PUM3: variants seen among roughly 807,000 people sequenced by gnomAD.
The protein encoded by PUM3 is pumilio homolog 3.
In PUM3, 91 loss-of-function variants were observed where a neutral mutation model predicts 84.0. The observed-to-expected ratio is 1.08, with a 90% confidence interval of 0.91 to 1.29. The LOEUF (loss-of-function observed/expected upper bound fraction) is 1.29. Among genes scored for constraint, PUM3 ranks in the 50% most tolerant of loss-of-function variants. The probability of loss-of-function intolerance (pLI) is 0.00; values close to 1 mark genes in which losing one functional copy is unlikely to be tolerated. For missense variants in PUM3, 1,067 were observed against 767.5 expected (o/e 1.39, Z -4.61); for synonymous variants, 321 against 266.7 (o/e 1.20, Z -1.98).
At chr9:2,812,417 T>A in intron 13 of PUM3, 55 bp from the exon 14 acceptor site, 1 of 1,207,484 alleles carries the variant, frequency 8.3e-7, no homozygotes, top group Non-Finnish European at 1.2e-6. Context: ...CAAAACAAAG[T>A]ACCACAGGAC....
intron 17 of PUM3, among the ~76,000 whole-genome samples, chr9:2,807,100 C>T (rs555826233): frequency 6.6e-6 from 1 of 152,108 alleles, no homozygotes; most frequent in Non-Finnish European, 1.5e-5. Flanking sequence ...TCCAGCTACT[C>T]AGGAGGCTGA....
rs1815897924 is a variant in PUM3, at chr9:2,828,873, T to C, written c.853-95A>G. The stretch of plus-strand genomic sequence containing the variant: ...TAATTAGTCATTTTAAAATAAGTTT[T>C]AACAAATTTAAGATTTCCCATATTT... On this transcript the variant is annotated intron_variant, in intron 8 of 17. Transcript: ENST00000397885. 1.5e-5 allele frequency: 11 copies of C among 754,104 alleles called. No homozygotes were observed. The South Asian group carries it at 1.7e-4, about 12-fold the overall frequency. The allele number at this position is 754,104 out of a possible 1,614,324, so 46.7% of individuals were successfully genotyped here. A position where few individuals can be genotyped will look rare whatever the true frequency, so the allele number is the denominator to read the frequency against.
In PUM3 at chr9:2,838,500, A is replaced by T. The variant is rs751576636; in HGVS notation, c.8T>A (p.Val3Asp). ...TCCTGTGAATTGCTTTTTCCCTTTA[A>T]CTTCCATCGTAGCAACTCTGGAAAA... ME[V>D]KGKKQFTGKS... The change falls in exon 2 of 18, where the codon GTT becomes GAT. Residue 3 changes from valine (V) to aspartate (D), a missense_variant. Transcript: ENST00000397885. The T allele has an allele frequency of 1.2e-5, 20 of 1,612,898 alleles. No homozygotes were observed. The highest frequency in any genetic ancestry group is 1.6e-5 in the Non-Finnish European group (19 of 1,179,214).
At chr9:2,842,017 G>C (rs1443718832) in intron 1 of PUM3, among the ~76,000 whole-genome samples, 1 of 152,062 alleles carries the variant, frequency 6.6e-6, no homozygotes, top group Non-Finnish European at 1.5e-5. Context: ...CCTCTTTCCT[G>C]ACTGCCAATG....
intron 13 of PUM3, among the ~76,000 whole-genome samples, chr9:2,818,812 C>G (rs1218495302): frequency 6.6e-6 from 1 of 152,178 alleles, no homozygotes. Context: ...GAAATTCACA[C>G]ACACTGGGAC....
In PUM3 at chr9:2,828,696, A is replaced by C; in HGVS notation, c.935T>G (p.Ile312Ser). The C allele has an allele frequency of 6.3e-7, 1 of 1,599,110 alleles. No individual in the cohort carries two copies. The highest frequency in any genetic ancestry group is 8.6e-7 in the Non-Finnish European group (1 of 1,166,658). The change falls in exon 9 of 18, where the codon ATT (isoleucine) becomes AGT (serine). Residue 312 changes from isoleucine to serine, a missense_variant. Ile to Ser is a moderately radical substitution (Grantham distance 142). Coordinates refer to ENST00000397885, the MANE Select transcript of PUM3 (RefSeq NM_014878.5). ...TTACTTTTGGGCCATTGGAGTTAGA[A>C]TCTGTTTCATTTCATCCATAATAAG... is the stretch of plus-strand genomic sequence containing the variant. ...LELIMDEMKQ[I>S]LTPMAQKEAV...
chr9:2,839,162 A>T (rs1327205231), intron 1 of PUM3, among the ~76,000 whole-genome samples: 2 of 152,218 alleles, frequency 1.3e-5, no homozygotes, highest in African/African-American at 4.8e-5. Context: ...TTTATAGGCT[A>T]CTGAGACACC....
At chr9:2,829,415 C>A (rs1206035162) in intron 8 of PUM3, among the ~76,000 whole-genome samples, 1 of 152,176 alleles carries the variant, frequency 6.6e-6, no homozygotes, top group Non-Finnish European at 1.5e-5. Context: ...CAACAGAGAG[C>A]CCAATACACT....
At chr9:2,816,970 A>G (rs1474295029) in intron 13 of PUM3, among the ~76,000 whole-genome samples, 2 of 152,220 alleles carry the variant, frequency 1.3e-5, no homozygotes, top group African/African-American at 4.8e-5. Flanking sequence ...CTATTTTTAA[A>G]AGCACTGCGT....
At chr9:2,831,483 A>G (rs927176688) in intron 5 of PUM3, 139 bp from the exon 6 acceptor site, 1 of 630,240 alleles carries the variant, frequency 1.6e-6, no homozygotes, top group Non-Finnish European at 2.8e-6. Context: ...ATTACTGAGA[A>G]CTACTTGTTT....
At chr9:2,811,251 T>C (rs1186935670) in intron 15 of PUM3, 110 bp downstream of exon 15, 2 of 804,788 alleles carry the variant, frequency 2.5e-6, no homozygotes, top group East Asian at 2.4e-5. Flanking sequence ...TGGTTGTTTA[T>C]TCAACAGGTA....
chr9:2,831,341 C>T lies in PUM3; in HGVS notation c.520G>A (p.Ala174Thr). 2 of 1,599,288 alleles carry T rather than the reference C, an allele frequency of 1.3e-6. No homozygotes were observed. Among genetic ancestry groups the T allele is most frequent in the Non-Finnish European group, 1.7e-6 (2 of 1,171,412 alleles). ...KLIQGKIKTI[A>T]FAHDSTRVIQ... ...ACACGAGTTGAATCGTGTGCAAATG[C>T]AATCTGCAGGAAAAAGTTTGAGTTA... The change falls in exon 6 of 18, where the codon GCA (alanine) becomes ACA (threonine). Residue 174 changes from alanine to threonine, a missense_variant. Coordinates refer to ENST00000397885, the MANE Select transcript of PUM3 (RefSeq NM_014878.5).
At chr9:2,842,709 C>T (rs930758144) in intron 1 of PUM3, among the ~76,000 whole-genome samples, 2 of 152,128 alleles carry the variant, frequency 1.3e-5, no homozygotes, top group African/African-American at 4.8e-5. Context: ...TGAACTTCTC[C>T]TTGGGGTCCA....
chr9:2,841,475 G>A (rs1366278486), intron 1 of PUM3, among the ~76,000 whole-genome samples: 1 of 152,162 alleles, frequency 6.6e-6, no homozygotes, highest in African/African-American at 2.4e-5. Context: ...GGCTGAGGCA[G>A]GAAAATCACC....
At chr9:2,832,385 T>G (rs752616039) in intron 5 of PUM3, among the ~76,000 whole-genome samples, 2 of 152,194 alleles carry the variant, frequency 1.3e-5, no homozygotes, top group African/African-American at 4.8e-5. Context: ...CTTACTTCCC[T>G]GAGTCCCAGA....
chr9:2,810,957 C>T (rs1274810303), intron 15 of PUM3, among the ~76,000 whole-genome samples: 1 of 152,182 alleles, frequency 6.6e-6, no homozygotes, highest in African/African-American at 2.4e-5. Flanking sequence ...TACTCCTTAG[C>T]AAGTATGGGA....
At chr9:2,842,892 G>A (rs1358618128) in intron 1 of PUM3, among the ~76,000 whole-genome samples, 1 of 152,066 alleles carries the variant, frequency 6.6e-6, no homozygotes, top group African/African-American at 2.4e-5. Flanking sequence ...CTCAGCCAAT[G>A]GCACATCATC....
At chr9:2,811,974 A>G (rs1286748551) in intron 14 of PUM3, among the ~76,000 whole-genome samples, 1 of 152,206 alleles carries the variant, frequency 6.6e-6, no homozygotes, top group East Asian at 1.9e-4. Context: ...AAGCAAAATA[A>G]AAGCCAAACC....
At position 2,837,375 on chromosome 9, in the gene PUM3, T is replaced by C. The variant is rs570038331; in HGVS notation, c.109A>G (p.Thr37Ala). 1.9e-6 allele frequency: 3 copies of C among 1,613,086 alleles called. No homozygotes were observed. Among genetic ancestry groups the C allele is most frequent in the African/African-American group, 2.7e-5 (2 of 75,016 alleles). Residue 37 changes from threonine (T) to alanine (A), a missense_variant, in exon 3 of 18, where the codon ACA becomes GCA. By Grantham distance (58) the Thr-to-Ala change is moderately conservative (BLOSUM62 0). Transcript: ENST00000397885. ...SDSGSSKTFP[T>A]RKVAKEGGPK... Reference sequence around the variant, plus strand: ...CCACCTTCTTTAGCAACTTTCCTTGTTGGAAATGTCTTTGAAGAACCAGAA... The same window carrying C: ...CCACCTTCTTTAGCAACTTTCCTTGCTGGAAATGTCTTTGAAGAACCAGAA...
Sources: allele counts gnomAD v4.1 joint callset (sites outside exome capture counted in the v4.1 genomes callset), GRCh38; gene constraint gnomAD v4.1.1; transcripts MANE v1.5; gene names NCBI Gene and HGNC (gene_info 2026-07-23, HGNC 2026-07-21).